Variants in ZCCHC14 observed in about 807,000 individuals in gnomAD.
ZCCHC14 encodes the protein zinc finger CCHC-type containing 14, also known as zinc finger CCHC domain-containing protein 14.
Under a neutral mutation model 85.0 loss-of-function variants are expected in ZCCHC14, and 16 were observed. The ratio of observed to expected loss-of-function variants is 0.19; its 90% CI spans 0.13 to 0.29. ZCCHC14 has a LOEUF of 0.29. Among genes scored for constraint, ZCCHC14 ranks in the 10% least tolerant of loss-of-function variants. The probability of loss-of-function intolerance (pLI) is 1.00; values close to 1 mark genes in which losing one functional copy is unlikely to be tolerated. For synonymous variants in ZCCHC14, 775 were observed against 630.7 expected (o/e 1.23, Z -3.43); for missense variants, 1,303 against 1,443.5 (o/e 0.90, Z 1.58).
chr16:87,462,670 G>A (rs997262213), intron 1 of ZCCHC14, among the ~76,000 whole-genome samples: 7 of 151,954 alleles, frequency 4.6e-5, no homozygotes, highest in African/African-American at 1.7e-4. Flanking sequence ...AACCCGGAAG[G>A]TGGAGCTTGC....
At chr16:87,423,161 C>G (rs960211792) in intron 4 of ZCCHC14, among the ~76,000 whole-genome samples, 3 of 152,214 alleles carry the variant, frequency 2.0e-5, no homozygotes, top group African/African-American at 7.2e-5. Context: ...GCCAGTGGGC[C>G]CTAAACACGT....
rs1908311418 is a variant in ZCCHC14, at chr16:87,408,767, C to T, written c.*1513G>A. The T allele has an allele frequency of 6.6e-6, 1 of 152,402 alleles. No individual in the cohort carries two copies. The highest frequency in any genetic ancestry group is 2.1e-4 in the South Asian group (1 of 4,830). The allele number at this position is 152,402 out of a possible 1,614,324, so 9.4% of individuals were successfully genotyped here. On this transcript the variant is annotated 3_prime_UTR_variant, in exon 13 of 13. Transcript: ENST00000671377. Reference sequence around the variant, plus strand: ...AACGCTCACATCACAAGGCCTCATTCTAGGGTATTCTTCTGATTTACATCA... The same window carrying T: ...AACGCTCACATCACAAGGCCTCATTTTAGGGTATTCTTCTGATTTACATCA...
chr16:87,461,081 A>G (rs559541102), intron 1 of ZCCHC14, among the ~76,000 whole-genome samples: 1 of 152,352 alleles, frequency 6.6e-6, no homozygotes, highest in South Asian at 2.1e-4. Context: ...TGCTAAGCAC[A>G]GACAGTGTAC....
Position 87,491,061 on chromosome 16 carries a change from T to C in ZCCHC14, c.570+608A>G, listed in dbSNP as rs763717748. ...CCTTTTCTGGTAATAAATACCAGATTTGGGGAAACCAAGGCGCCGCAATGT... is the reference window on the plus strand; with the variant it reads ...CCTTTTCTGGTAATAAATACCAGATCTGGGGAAACCAAGGCGCCGCAATGT... On this transcript the variant is annotated intron_variant, in intron 1 of 12. Coordinates refer to ENST00000671377, the MANE Select transcript of ZCCHC14 (RefSeq NM_015144.3). The surrounding 1 kb of genome is among the most constrained non-coding windows in gnomAD (Gnocchi z 5.9). Among the ~76,000 whole-genome samples, 1 of 152,188 alleles carries C rather than the reference T, an allele frequency of 6.6e-6. No homozygotes were observed. Among genetic ancestry groups the C allele is most frequent in the Non-Finnish European group, 1.5e-5 (1 of 68,024 alleles).
At position 87,411,565 on chromosome 16, in the gene ZCCHC14, A is replaced by C. The variant is rs1382263996; in HGVS notation, c.3156T>G (p.Gly1052=). 1 of 1,613,672 alleles carries C rather than the reference A, an allele frequency of 6.2e-7. No individual in the cohort carries two copies. Among genetic ancestry groups the C allele is most frequent in the Middle Eastern group, 1.6e-4 (1 of 6,062 alleles). Reference sequence around the variant, plus strand: ...GCTGTTTGCAGTCCTGGGCGCGGTGACCAGTGGCCCCGCAGTTGTAACAAG... The same window carrying C: ...GCTGTTTGCAGTCCTGGGCGCGGTGCCCAGTGGCCCCGCAGTTGTAACAAG... ...NLSCYNCGAT[G]HRAQDCKQPS... Residue 1052 remains glycine, a synonymous_variant, in exon 12 of 13, where the codon GGT becomes GGG. Transcript: ENST00000671377.
At chr16:87,431,472 GAAAAAAAAA>G (rs537437083) in intron 3 of ZCCHC14, among the ~76,000 whole-genome samples, 1 of 76,748 alleles carries the variant, frequency 1.3e-5, no homozygotes, top group South Asian at 5.0e-4. Context: ...GGCTCTGTCT[GAAAAAAAAA>G]AAAAAAAAAA....
At position 87,413,178 on chromosome 16, in the gene ZCCHC14, C is replaced by G. The variant is rs1358286986; in HGVS notation, c.1621G>C (p.Glu541Gln). 1 of 1,579,578 alleles carries G rather than the reference C, an allele frequency of 6.3e-7. No individual in the cohort carries two copies. The change falls in exon 11 of 13, where the codon GAG (glutamate) becomes CAG (glutamine). Residue 541 changes from glutamate to glutamine, a missense_variant. Glu to Gln is a conservative substitution (Grantham distance 29). Coordinates refer to ENST00000671377, the MANE Select transcript of ZCCHC14 (RefSeq NM_015144.3). ...SHAAELRVEV[E>Q]QPHHQLPREG... ...CGGGGCAGCTGGTGATGGGGCTGCT[C>G]CACTTCCACCCGCAGCTCTGCAGAA...
intron 2 of ZCCHC14, among the ~76,000 whole-genome samples, chr16:87,448,265 T>C (rs1910532570): frequency 1.3e-5 from 2 of 152,330 alleles, no homozygotes; most frequent in Middle Eastern, 3.4e-3. Context: ...TCCTCTGGCA[T>C]CCACTGTTGC....
intron 8 of ZCCHC14, among the ~76,000 whole-genome samples, chr16:87,415,744 T>C (rs1403451146): frequency 6.6e-6 from 1 of 152,160 alleles, no homozygotes; most frequent in East Asian, 1.9e-4. Context: ...AGAAAACGTC[T>C]TGCATAAGTC....
chr16:87,464,654 C>A (rs370121369), intron 1 of ZCCHC14, among the ~76,000 whole-genome samples: 25 of 152,296 alleles, frequency 1.6e-4, no homozygotes, highest in African/African-American at 5.8e-4. Context: ...AAAGAAAGAC[C>A]TGTTTTCCTC....
At chr16:87,467,044 T>A (rs78417616) in intron 1 of ZCCHC14, 5 of 371,986 alleles carry the variant, frequency 1.3e-5, no homozygotes, top group African/African-American at 9.3e-5. Context: ...AAAAAAAAAT[T>A]GTTTTTTTTT....
Position 87,492,923 on chromosome 16 carries a change from A to ACGG in ZCCHC14, c.-688_-686dup, listed in dbSNP as rs1555527006. 7.1e-6 allele frequency among the ~76,000 whole-genome samples: 1 copy of ACGG among 140,354 alleles called. No homozygotes were observed. The highest frequency in any genetic ancestry group is 1.5e-5 in the Non-Finnish European group (1 of 65,710). The allele number at this position is 140,354 out of a possible 152,430, so 92.1% of individuals were successfully genotyped here. A position where few individuals can be genotyped will look rare whatever the true frequency, so the allele number is the denominator to read the frequency against. ...GGGCCCGAGCGCGGCGGCGGCGGCG[A>ACGG]CGGCGACGGCGACGGCGACGGCGAC... On this transcript the variant is annotated 5_prime_UTR_variant, in exon 1 of 13. Transcript: ENST00000671377. This position sits in a 1 kb window ranked among gnomAD's most constrained non-coding sequence, Gnocchi z 6.7.
intron 2 of ZCCHC14, among the ~76,000 whole-genome samples, chr16:87,444,237 G>A (rs1204966279): frequency 6.6e-6 from 1 of 152,048 alleles, no homozygotes; most frequent in Non-Finnish European, 1.5e-5. Flanking sequence ...CAGGGCTAGG[G>A]GAAAGAAAGC....
intron 1 of ZCCHC14, chr16:87,474,182 T>A (rs1911899550): frequency 6.6e-6 from 1 of 152,394 alleles, no homozygotes; most frequent in South Asian, 2.1e-4. Context: ...CCAGGCCTGC[T>A]TCTCTGGCAA....
chr16:87,456,311 A>C (rs1289640798), intron 2 of ZCCHC14, among the ~76,000 whole-genome samples: 1 of 152,018 alleles, frequency 6.6e-6, no homozygotes, highest in East Asian at 1.9e-4. Flanking sequence ...CGGGCGGATC[A>C]CGAGGTCAGG....
intron 1 of ZCCHC14, among the ~76,000 whole-genome samples, chr16:87,489,362 A>G (rs117918600): frequency 0.016 from 2,513 of 152,360 alleles, 25 homozygotes; most frequent in Middle Eastern, 0.048. Flanking sequence ...CCAAGTAACT[A>G]CTCAAAAACC....
chr16:87,459,919 A>G, intron 2 of ZCCHC14, 89 bp downstream of exon 2: 1 of 1,563,762 alleles, frequency 6.4e-7, no homozygotes, highest in Non-Finnish European at 8.7e-7. Context: ...GAAAGATCTG[A>G]AAGCATTTAA....
intron 2 of ZCCHC14, among the ~76,000 whole-genome samples, chr16:87,444,407 C>T (rs1011212868): frequency 6.6e-6 from 1 of 152,168 alleles, no homozygotes; most frequent in African/African-American, 2.4e-5. Context: ...TTATAACTCA[C>T]TGAATAAAAC....
At chr16:87,414,361 A>C (rs1409047282) in intron 10 of ZCCHC14, 53 bp downstream of exon 10, 1 of 1,611,584 alleles carries the variant, frequency 6.2e-7, no homozygotes, top group Non-Finnish European at 8.5e-7. Flanking sequence ...TGCCCGACAC[A>C]CGGGCCCTCT....
Sources: allele counts gnomAD v4.1 joint callset (sites outside exome capture counted in the v4.1 genomes callset), GRCh38; gene constraint gnomAD v4.1.1; non-coding constraint Gnocchi (gnomAD v3.1); transcripts MANE v1.5; gene names NCBI Gene and HGNC (gene_info 2026-07-23, HGNC 2026-07-21).